Variants in FBN1 observed in about 807,000 individuals in gnomAD.
FBN1 encodes fibrillin-1.
In FBN1, 29 loss-of-function variants were observed where a neutral mutation model predicts 365.1. The observed-to-expected ratio is 0.08, with a 90% CI of 0.06 to 0.11. The LOEUF is 0.11. FBN1 is among the 10% of genes least tolerant of loss of function. The pLI, the probability that FBN1 is intolerant of heterozygous loss-of-function variation, is 1.00. For synonymous variants in FBN1, 1,210 were observed against 1,270.5 expected, an observed-to-expected ratio of 0.95 and a Z score of 1.01; for missense variants, 2,476 against 3,703.2, an observed-to-expected ratio of 0.67 and a Z score of 8.60.
rs1049354531 is a variant in FBN1 at position 48,608,687 on chromosome 15, G to A, written c.346+2041C>T. Among the ~76,000 whole-genome samples the A allele has an allele frequency of 1.2e-4, 19 of 152,150 alleles. No homozygotes were observed. The East Asian group carries it at 2.1e-3, about 17-fold the overall frequency. ...AAGCTACTTGGGGACTTTGTCTAAC[G>A]TCCAGGTACCATAGATATGACTCAG... is the stretch of plus-strand genomic sequence containing the variant. On this transcript the variant is annotated intron_variant, in intron 4 of 65. Coordinates refer to ENST00000316623, the MANE Select transcript of FBN1 (RefSeq NM_000138.5).
chr15:48,637,106 C>T (rs779228831), intron 2 of FBN1, among the ~76,000 whole-genome samples: 18 of 152,286 alleles, frequency 1.2e-4, no homozygotes, highest in Admixed American at 3.9e-4. Context: ...TAGTCAAGTA[C>T]TGTCTGCATT....
In FBN1 at chr15:48,596,308, T is replaced by C. The variant is rs770798505; in HGVS notation, c.513A>G (p.Gly171=). The change falls in exon 6 of 66, where the codon GGA becomes GGG. Residue 171 remains glycine (G), a synonymous_variant. Coordinates refer to ENST00000316623, the MANE Select transcript of FBN1 (RefSeq NM_000138.5). Reference sequence around the variant, plus strand: ...CTCTTTCACACTGGGGTCCAGTAAATCCGTAAGTGCATGCACATCGATTTG... The same window carrying C: ...CTCTTTCACACTGGGGTCCAGTAAACCCGTAAGTGCATGCACATCGATTTG... ...VAPNRCACTY[G]FTGPQCERDY... 6.2e-7 allele frequency: 1 copy of C among 1,613,994 alleles called. No homozygotes were observed. Among genetic ancestry groups the C allele is most frequent in the Non-Finnish European group, 8.5e-7 (1 of 1,179,880 alleles).
At chr15:48,534,436 T>C (rs1029897279) in intron 7 of FBN1, among the ~76,000 whole-genome samples, 8 of 152,226 alleles carry the variant, frequency 5.3e-5, no homozygotes, top group Non-Finnish European at 1.2e-4. Context: ...ATTTTTTGTT[T>C]TCCCACCTTC....
In FBN1 at chr15:48,495,729, T is replaced by C. The variant is rs7172102; in HGVS notation, c.2420-141A>G. The C allele has an allele frequency of 1.6e-3, 1,596 of 1,017,998 alleles. 21 individuals carry two copies. The African/African-American group carries it at 0.023, about 15-fold the overall frequency. 63.1% of individuals were successfully genotyped at this position (1,017,998 alleles called of 1,614,324 possible). On this transcript the variant is annotated intron_variant, in intron 20 of 65. Coordinates refer to ENST00000316623, the MANE Select transcript of FBN1 (RefSeq NM_000138.5). ...GCTAAATAGTTTTTCCTACACTAGA[T>C]GGAATGCCAAAATAATAACTCTATA...
rs1352293817 is a variant in FBN1 at position 48,432,816 on chromosome 15, CT to C, written c.6739+49del. On this transcript the variant is annotated intron_variant, in intron 55 of 65. Coordinates refer to ENST00000316623, the MANE Select transcript of FBN1 (RefSeq NM_000138.5). Reference sequence around the variant, plus strand: ...AGGGAAGCTTTGAGGGACATCTCCCCTCACAGATAAAGCTTCCTGGCTTAGA... The same window carrying C: ...AGGGAAGCTTTGAGGGACATCTCCCCCACAGATAAAGCTTCCTGGCTTAGA... 2.5e-6 allele frequency: 4 copies of C among 1,610,710 alleles called. No individual in the cohort carries two copies. The African/African-American group carries it at 5.3e-5, about 22-fold the overall frequency.
chr15:48,476,670 G>A (rs369235234), intron 32 of FBN1: 1 of 148,500 alleles, frequency 6.7e-6, no homozygotes. Flanking sequence ...GAGTGCAATG[G>A]TGCGATCTCG....
intron 64 of FBN1, among the ~76,000 whole-genome samples, chr15:48,413,094 G>A (rs372531099): frequency 2.6e-5 from 4 of 152,302 alleles, no homozygotes; most frequent in South Asian, 2.1e-4. Flanking sequence ...CATGTAACTT[G>A]GGAGGCTAAA....
At chr15:48,508,560 T>A (rs943967034) in intron 15 of FBN1, 22 bp downstream of exon 15, 4 of 1,613,568 alleles carry the variant, frequency 2.5e-6, no homozygotes, top group Non-Finnish European at 3.4e-6. Flanking sequence ...AAGAACATGA[T>A]CTAGGGTTTT....
Position 48,437,451 on chromosome 15 carries a change from T to C in FBN1, c.6314-64A>G, listed in dbSNP as rs2042746. On this transcript the variant is annotated intron_variant, in intron 51 of 65. Coordinates refer to ENST00000316623, the MANE Select transcript of FBN1 (RefSeq NM_000138.5). ...AATTCATTACAAGCTTCTCCACAAG[T>C]ATTTTGAGGTAGAAAATTGCTACAT... 1,224,190 of 1,383,174 alleles carry C rather than the reference T, an allele frequency of 0.89. 542,854 individuals carry two copies. The highest frequency in any genetic ancestry group is 0.97 in the East Asian group (42,471 of 43,738). The allele number at this position is 1,383,174 out of a possible 1,614,324, so 85.7% of individuals were successfully genotyped here.
At chr15:48,608,760 C>T (rs2044632962) in intron 4 of FBN1, among the ~76,000 whole-genome samples, 1 of 152,156 alleles carries the variant, frequency 6.6e-6, no homozygotes, top group South Asian at 2.1e-4. Context: ...AGTCTCTAGA[C>T]TAAATCTGGC....
intron 6 of FBN1, among the ~76,000 whole-genome samples, chr15:48,542,482 C>T (rs543237293): frequency 1.3e-5 from 2 of 152,150 alleles, no homozygotes; most frequent in Non-Finnish European, 2.9e-5. Flanking sequence ...AATTTCAATA[C>T]AACTTTCTGA....
At chr15:48,516,036 T>C in intron 11 of FBN1, 147 bp downstream of exon 11, 2 of 755,956 alleles carry the variant, frequency 2.6e-6, no homozygotes, top group Non-Finnish European at 2.2e-6. Context: ...ATACATATGA[T>C]ATAGATATAG....
chr15:48,595,406 T>C (rs11853778), intron 6 of FBN1, among the ~76,000 whole-genome samples: 19,716 of 152,166 alleles, frequency 0.13, 1,342 homozygotes, highest in Non-Finnish European at 0.15. Context: ...TTGTGTAACA[T>C]AAAACTTCTA....
chr15:48,566,202 C>G (rs1246798344), intron 6 of FBN1, among the ~76,000 whole-genome samples: 1 of 152,150 alleles, frequency 6.6e-6, no homozygotes. Context: ...TTTGACAACA[C>G]ATTTCCACCA....
At chr15:48,453,882 C>T (rs2043220599) in intron 44 of FBN1, among the ~76,000 whole-genome samples, 1 of 152,008 alleles carries the variant, frequency 6.6e-6, no homozygotes, top group African/African-American at 2.4e-5. Context: ...ATTATCTAAA[C>T]TTTCCCACTT....
chr15:48,546,729 C>T (rs2044096250), intron 6 of FBN1, among the ~76,000 whole-genome samples: 1 of 152,078 alleles, frequency 6.6e-6, no homozygotes, highest in Admixed American at 6.5e-5. Context: ...GAAAGGGTTT[C>T]AGGGAGGCTA....
At chr15:48,607,382 ATATATT>A (rs1318538928) in intron 4 of FBN1, among the ~76,000 whole-genome samples, 1 of 148,668 alleles carries the variant, frequency 6.7e-6, no homozygotes, top group Non-Finnish European at 1.5e-5. Context: ...ATATATATAT[ATATATT>A]ATTGTCTAAA....
intron 44 of FBN1, 99 bp from the exon 45 acceptor site, chr15:48,452,783 T>C: frequency 7.2e-7 from 1 of 1,383,738 alleles, no homozygotes; most frequent in South Asian, 1.2e-5. Flanking sequence ...TATTTTGATC[T>C]GTTCTATTGA....
chr15:48,516,251 G>A lies in FBN1; in HGVS notation c.1259C>T (p.Pro420Leu), dbSNP rs1239273582. The change falls in exon 11 of 66, where the codon CCT (proline) becomes CTT (leucine). Residue 420 changes from proline (P) to leucine (L), a missense_variant. Transcript: ENST00000316623. ...AGGGACCGGAATTTGAGGTCCAGGA[G>A]GAAAGCCAGGAGGAACAGGGAGAAC... ...PPVLPVPPGF[P>L]PGPQIPVPRP... 1.9e-6 allele frequency: 3 copies of A among 1,613,930 alleles called. No individual in the cohort carries two copies. Among genetic ancestry groups the A allele is most frequent in the South Asian group, 1.1e-5 (1 of 91,054 alleles).
Sources: allele counts gnomAD v4.1 joint callset (sites outside exome capture counted in the v4.1 genomes callset), GRCh38; gene constraint gnomAD v4.1.1; transcripts MANE v1.5; gene names NCBI Gene and HGNC (gene_info 2026-07-23, HGNC 2026-07-21).